RYR2: variants seen among roughly 807,000 people sequenced by gnomAD.
RYR2 encodes the protein cardiac muscle ryanodine receptor-calcium release channel.
RYR2 carries 227 observed loss-of-function variants against 601.1 expected under a neutral mutation model. The ratio of observed to expected loss-of-function variants is 0.38; its 90% CI spans 0.34 to 0.42. The LOEUF (loss-of-function observed/expected upper bound fraction) is 0.42. Ranked by LOEUF, RYR2 falls within the 10% of genes least tolerant of loss-of-function variation. The pLI is 1.00. For synonymous variants in RYR2, 2,223 were observed against 2,175.1 expected (o/e 1.02, Z -0.61); for missense variants, 4,646 against 6,156.5 (o/e 0.75, Z 8.21).
rs184461681 is a variant in RYR2 at position 237,144,227 on chromosome 1, A to G, written c.48+101658A>G. On this transcript the variant is annotated intron_variant, in intron 1 of 104. Coordinates refer to ENST00000366574, the MANE Select transcript of RYR2 (RefSeq NM_001035.3). ...AGAAATCTGACCCTTTTATATAGCC[A>G]AGTAGACAGAACCCATTATATACAT... is the stretch of plus-strand genomic sequence containing the variant. 5.0e-4 allele frequency among the ~76,000 whole-genome samples: 76 copies of G among 152,320 alleles called. 1 individual carries two copies. Among genetic ancestry groups the G allele is most frequent in the Non-Finnish European group, 4.4e-5 (3 of 68,018 alleles).
At chr1:237,675,281 G>A (rs1685297901) in intron 60 of RYR2, among the ~76,000 whole-genome samples, 1 of 152,138 alleles carries the variant, frequency 6.6e-6, no homozygotes, top group Admixed American at 6.6e-5. Context: ...TAGAGTAACT[G>A]CTGTGCAGAA....
At chr1:237,220,575 C>T (rs958357234) in intron 1 of RYR2, among the ~76,000 whole-genome samples, 8 of 152,164 alleles carry the variant, frequency 5.3e-5, no homozygotes, top group African/African-American at 9.7e-5. Flanking sequence ...CCATATATAC[C>T]GTATAGTTTC....
At chr1:237,115,607 A>C (rs1363461669) in intron 1 of RYR2, among the ~76,000 whole-genome samples, 4 of 152,222 alleles carry the variant, frequency 2.6e-5, no homozygotes, top group Non-Finnish European at 5.9e-5. Context: ...AATTACTACC[A>C]AAGACAAAGG....
At chr1:237,129,734 T>C (rs1671950026) in intron 1 of RYR2, among the ~76,000 whole-genome samples, 1 of 150,902 alleles carries the variant, frequency 6.6e-6, no homozygotes, top group South Asian at 2.1e-4. Context: ...TATAATAGTA[T>C]AATGAAATAC....
intron 1 of RYR2, among the ~76,000 whole-genome samples, chr1:237,071,107 G>A (rs1054673138): frequency 3.3e-5 from 5 of 152,226 alleles, no homozygotes; most frequent in African/African-American, 1.2e-4. Context: ...TGAGTTAGTC[G>A]GAGAGGAGCT....
chr1:237,639,404 A>G (rs1448361803), intron 46 of RYR2, among the ~76,000 whole-genome samples: 1 of 152,192 alleles, frequency 6.6e-6, no homozygotes, highest in African/African-American at 2.4e-5. Context: ...GCTGAAGAAG[A>G]TGGTGTAGAT....
rs1027883534 is a variant in RYR2 at position 237,571,377 on chromosome 1, C to T, written c.3598+2058C>T. Among the ~76,000 whole-genome samples the T allele has an allele frequency of 1.7e-4, 26 of 149,146 alleles. 1 individual carries two copies. The highest frequency in any genetic ancestry group is 5.4e-4 in the Admixed American group (8 of 14,864). On this transcript the variant is annotated intron_variant, in intron 29 of 104. Transcript: ENST00000366574. Reference sequence around the variant, plus strand: ...TTGCCCAGGCTGGAGTGCAATGGCGCGATCTTGACTCACTGCAACCTCCGC... The same window carrying T: ...TTGCCCAGGCTGGAGTGCAATGGCGTGATCTTGACTCACTGCAACCTCCGC...
chr1:237,216,042 A>G (rs930246718), intron 1 of RYR2, among the ~76,000 whole-genome samples: 2 of 152,242 alleles, frequency 1.3e-5, no homozygotes, highest in African/African-American at 4.8e-5. Flanking sequence ...AACTTTAGGT[A>G]AACATAAATT....
intron 10 of RYR2, among the ~76,000 whole-genome samples, chr1:237,399,357 T>C (rs56110426): frequency 0.042 from 6,320 of 152,184 alleles, 211 homozygotes; most frequent in Non-Finnish European, 0.068. Flanking sequence ...GGACAGATTA[T>C]AGGCCATCAG....
At chr1:237,682,533 A>G (rs1028266106) in intron 62 of RYR2, among the ~76,000 whole-genome samples, 11 of 152,176 alleles carry the variant, frequency 7.2e-5, no homozygotes, top group African/African-American at 2.7e-4. Flanking sequence ...ACAGTTGCCT[A>G]CAGTATTCGG....
intron 1 of RYR2, among the ~76,000 whole-genome samples, chr1:237,264,374 G>GTATA (rs1009773081): frequency 3.0e-4 from 46 of 152,278 alleles, no homozygotes; most frequent in Non-Finnish European, 5.0e-4. Flanking sequence ...ACTAAGGCTT[G>GTATA]TATATATCTG....
intron 1 of RYR2, among the ~76,000 whole-genome samples, chr1:237,174,743 A>C (rs977833053): frequency 2.6e-4 from 39 of 152,220 alleles, no homozygotes; most frequent in African/African-American, 9.2e-4. Context: ...TTTAGGAGTA[A>C]ACTCATAATA....
At chr1:237,441,280 G>T (rs2150146158) in intron 12 of RYR2, 39 bp from the exon 13 acceptor site, 1 of 1,611,180 alleles carries the variant, frequency 6.2e-7, no homozygotes, top group East Asian at 2.2e-5. Flanking sequence ...TAGTATTTTT[G>T]AAATGTTTAC....
intron 3 of RYR2, among the ~76,000 whole-genome samples, chr1:237,342,305 G>C (rs1055549818): frequency 1.3e-5 from 2 of 149,680 alleles, no homozygotes; most frequent in African/African-American, 4.9e-5. Context: ...ACCATGCCTG[G>C]CTAATTAATT....
intron 1 of RYR2, among the ~76,000 whole-genome samples, chr1:237,208,036 C>G (rs1682008425): frequency 6.6e-6 from 1 of 152,198 alleles, no homozygotes; most frequent in Non-Finnish European, 1.5e-5. Context: ...CTGTACCTCC[C>G]AGGATGAACT....
At chr1:237,496,400 T>G (rs1158420508) in intron 19 of RYR2, 111 bp from the exon 20 acceptor site, 1 of 1,451,956 alleles carries the variant, frequency 6.9e-7, no homozygotes, top group Non-Finnish European at 9.4e-7. Flanking sequence ...AGAGCAAGAC[T>G]CTGTCTCAAT....
At chr1:237,314,591 T>C (rs1042018289) in intron 2 of RYR2, among the ~76,000 whole-genome samples, 2 of 152,210 alleles carry the variant, frequency 1.3e-5, no homozygotes, top group African/African-American at 4.8e-5. Context: ...CAATTGAACA[T>C]GAGCTATTTA....
At chr1:237,690,213 G>C (rs992611845) in intron 63 of RYR2, among the ~76,000 whole-genome samples, 1 of 152,126 alleles carries the variant, frequency 6.6e-6, no homozygotes, top group African/African-American at 2.4e-5. Context: ...ACATATTATG[G>C]GCTGTAGATG....
intron 1 of RYR2, among the ~76,000 whole-genome samples, chr1:237,246,821 A>G (rs900429005): frequency 1.3e-5 from 2 of 152,024 alleles, no homozygotes; most frequent in African/African-American, 4.8e-5. Flanking sequence ...TTTGTTTCTG[A>G]TGATTTATTT....
Sources: gnomAD v4.1 joint callset for allele counts (sites outside exome capture counted in the v4.1 genomes callset) on GRCh38, gnomAD v4.1.1 for gene constraint, MANE v1.5 for transcripts, NCBI Gene and HGNC (gene_info 2026-07-23, HGNC 2026-07-21) for gene names.